The following SLIT3 variants were observed in gnomAD, a reference collection of about 807,000 sequenced individuals.
SLIT3 encodes the protein slit homolog 3 protein.
Under a neutral mutation model 184.0 loss-of-function variants are expected in SLIT3, and 68 were observed. The observed-to-expected ratio is 0.37, with a 90% confidence interval of 0.30 to 0.45. SLIT3 has a LOEUF of 0.45. SLIT3 is among the 20% of genes least tolerant of loss of function. The pLI, the probability that SLIT3 is intolerant of heterozygous loss-of-function variation, is 1.00. For synonymous variants in SLIT3, 831 were observed against 828.6 expected (o/e 1.00, Z -0.05); for missense variants, 1,707 against 2,026.0 (o/e 0.84, Z 3.02).
At chr5:168,714,141 C>T (rs1344890350) in intron 23 of SLIT3, among the ~76,000 whole-genome samples, 1 of 152,200 alleles carries the variant, frequency 6.6e-6, no homozygotes, top group African/African-American at 2.4e-5. Context: ...ACGATAGCTT[C>T]TCACCTCCCC....
chr5:168,687,732 G>T (rs974129846), intron 29 of SLIT3, among the ~76,000 whole-genome samples: 1 of 152,212 alleles, frequency 6.6e-6, no homozygotes, highest in African/African-American at 2.4e-5. Flanking sequence ...TATGCTTTGT[G>T]TAGTGCATTA....
At position 168,694,593 on chromosome 5, in the gene SLIT3, GTC is replaced by G. The variant is rs996674636; in HGVS notation, c.3082+1697_3082+1698del. Among the ~76,000 whole-genome samples the G allele has an allele frequency of 5.3e-5, 8 of 152,108 alleles. No individual in the cohort carries two copies. In the East Asian group the frequency reaches 1.2e-3, roughly 22 times the overall value. On this transcript the variant is annotated intron_variant, in intron 28 of 35. Coordinates refer to ENST00000519560, the MANE Select transcript of SLIT3 (RefSeq NM_003062.4). ...TCAGTCAGTCTTTCTCTCTCTCTCT[GTC>G]TCTCTCTCTTTCTTTATCTCTCTCT...
intron 4 of SLIT3, among the ~76,000 whole-genome samples, chr5:169,089,904 TA>T (rs1183900231): frequency 6.6e-6 from 1 of 152,210 alleles, no homozygotes; most frequent in Non-Finnish European, 1.5e-5. Flanking sequence ...TGATCCTTCC[TA>T]CCCTAGGCTA....
In SLIT3 at chr5:168,662,439, T is replaced by TG. The variant is rs1760892998; in HGVS notation, c.*4014dup. The TG allele has an allele frequency of 6.6e-6, 1 of 152,268 alleles. No homozygotes were observed. Among genetic ancestry groups the TG allele is most frequent in the Non-Finnish European group, 1.5e-5 (1 of 68,082 alleles). 9.4% of individuals were successfully genotyped at this position (152,268 alleles called of 1,614,324 possible). ...TCCTGGCCTTTCCTGAAGGTCACCCTGGGGCTCTTTTCCCCCACCTTTTTT... is the reference window on the plus strand; with the variant it reads ...TCCTGGCCTTTCCTGAAGGTCACCCTGGGGGCTCTTTTCCCCCACCTTTTTT... On this transcript the variant is annotated 3_prime_UTR_variant, in exon 36 of 36. Coordinates refer to ENST00000519560, the MANE Select transcript of SLIT3 (RefSeq NM_003062.4).
At chr5:168,784,464 T>A (rs1756081321) in intron 12 of SLIT3, among the ~76,000 whole-genome samples, 1 of 152,172 alleles carries the variant, frequency 6.6e-6, no homozygotes, top group Non-Finnish European at 1.5e-5. Context: ...TCTCTCTTGC[T>A]TTCAGCTTCA....
intron 4 of SLIT3, among the ~76,000 whole-genome samples, chr5:168,945,760 C>T (rs570207817): frequency 3.9e-5 from 6 of 152,320 alleles, no homozygotes; most frequent in East Asian, 1.9e-4. Context: ...TGCAACAAAA[C>T]GCATGCATAT....
chr5:168,900,274 A>G (rs1760819044), intron 4 of SLIT3, among the ~76,000 whole-genome samples: 1 of 152,192 alleles, frequency 6.6e-6, no homozygotes, highest in Non-Finnish European at 1.5e-5. Flanking sequence ...CAATCCAGCA[A>G]TCCCACTACT....
chr5:169,300,478 G>A lies in SLIT3; in HGVS notation c.197+35C>T. The A allele has an allele frequency of 7.0e-7, 1 of 1,435,976 alleles. No individual in the cohort carries two copies. The highest frequency in any genetic ancestry group is 9.1e-7 in the Non-Finnish European group (1 of 1,096,438). 89.0% of individuals were successfully genotyped at this position (1,435,976 alleles called of 1,614,324 possible). ...GGGGCCCCCTCGGTGGGACCCAGGT[G>A]GGTGGCCCGCGTGGGGTGGGGCAGG... On this transcript the variant is annotated intron_variant, in intron 1 of 35. Transcript: ENST00000519560. This position sits in a 1 kb window ranked among gnomAD's most constrained non-coding sequence, Gnocchi z 4.1.
chr5:168,921,379 G>A (rs1363786806), intron 4 of SLIT3, among the ~76,000 whole-genome samples: 3 of 152,190 alleles, frequency 2.0e-5, no homozygotes, highest in Non-Finnish European at 2.9e-5. Context: ...ATATATGGGA[G>A]AAGCCAACCT....
chr5:168,948,535 A>T (rs1762558034), intron 4 of SLIT3, among the ~76,000 whole-genome samples: 1 of 152,118 alleles, frequency 6.6e-6, no homozygotes, highest in Non-Finnish European at 1.5e-5. Flanking sequence ...AGGCAGGTGT[A>T]AGTTGTGGAA....
At chr5:168,683,682 A>G (rs1435323986) in intron 32 of SLIT3, among the ~76,000 whole-genome samples, 1 of 152,200 alleles carries the variant, frequency 6.6e-6, no homozygotes, top group East Asian at 1.9e-4. Context: ...TCCCCACTGC[A>G]GCGCGCACTC....
intron 4 of SLIT3, among the ~76,000 whole-genome samples, chr5:169,088,472 A>C (rs1458793347): frequency 6.6e-6 from 1 of 152,058 alleles, no homozygotes; most frequent in African/African-American, 2.4e-5. Context: ...AAGAATAGCA[A>C]ACCCAAAGAG....
At chr5:169,046,585 C>T (rs1437584897) in intron 4 of SLIT3, among the ~76,000 whole-genome samples, 2 of 152,176 alleles carry the variant, frequency 1.3e-5, no homozygotes, top group South Asian at 2.1e-4. Context: ...ACGAAGAAAG[C>T]CATGCAAGGG....
chr5:168,823,911 T>A (rs1757617441), intron 6 of SLIT3, among the ~76,000 whole-genome samples: 1 of 152,150 alleles, frequency 6.6e-6, no homozygotes, highest in South Asian at 2.1e-4. Flanking sequence ...GATAGGTGAT[T>A]CTGTATTTTC....
chr5:169,171,275 C>T (rs1206534592), intron 4 of SLIT3, among the ~76,000 whole-genome samples: 5 of 152,180 alleles, frequency 3.3e-5, no homozygotes, highest in African/African-American at 1.2e-4. Context: ...CAATGACTTT[C>T]CAGTTTAGAA....
At chr5:169,076,608 A>G (rs1758753938) in intron 4 of SLIT3, among the ~76,000 whole-genome samples, 1 of 152,138 alleles carries the variant, frequency 6.6e-6, no homozygotes, top group African/African-American at 2.4e-5. Flanking sequence ...ACTTACTTTA[A>G]GAGGAGAGAG....
At chr5:169,138,054 G>A (rs1263748888) in intron 4 of SLIT3, among the ~76,000 whole-genome samples, 1 of 152,162 alleles carries the variant, frequency 6.6e-6, no homozygotes, top group South Asian at 2.1e-4. Context: ...ACATCTGTGG[G>A]CCAATTACAT....
intron 4 of SLIT3, among the ~76,000 whole-genome samples, chr5:168,975,556 C>T (rs1177828178): frequency 6.6e-6 from 1 of 152,056 alleles, no homozygotes; most frequent in Non-Finnish European, 1.5e-5. Flanking sequence ...TACACAGACA[C>T]CCACACTGAC....
At position 168,837,844 on chromosome 5, in the gene SLIT3, G is replaced by A. The variant is rs114903233; in HGVS notation, c.557+6740C>T. On this transcript the variant is annotated intron_variant, in intron 6 of 35. Transcript: ENST00000519560. Reference sequence around the variant, plus strand: ...GCTATTCTCAGGGTTGGGAATTACAGTTTCCATTTTTCAATAAGGAAATGA... The same window carrying A: ...GCTATTCTCAGGGTTGGGAATTACAATTTCCATTTTTCAATAAGGAAATGA... 1.2e-3 allele frequency among the ~76,000 whole-genome samples: 185 copies of A among 152,312 alleles called. 3 individuals carry two copies. Among genetic ancestry groups the A allele is most frequent in the Middle Eastern group, 3.4e-3 (1 of 294 alleles).
Sources: allele counts gnomAD v4.1 joint callset (sites outside exome capture counted in the v4.1 genomes callset), GRCh38; gene constraint gnomAD v4.1.1; non-coding constraint Gnocchi (gnomAD v3.1); transcripts MANE v1.5; gene names NCBI Gene and HGNC (gene_info 2026-07-23, HGNC 2026-07-21).